The following SSR3 variants were observed in gnomAD, a reference collection of about 807,000 sequenced individuals.
The protein encoded by SSR3 is translocon-associated protein subunit gamma.
SSR3 carries 10 observed loss-of-function variants against 22.1 expected under a neutral mutation model. The ratio of observed to expected loss-of-function variants is 0.45; its 90% CI spans 0.28 to 0.77. SSR3 has a LOEUF of 0.77. Ranked by LOEUF, SSR3 falls within the 30% of genes least tolerant of loss-of-function variation. SSR3 has a pLI of 0.13. For synonymous variants in SSR3, 104 were observed against 82.5 expected (o/e 1.26, Z -1.42); for missense variants, 181 against 220.5 (o/e 0.82, Z 1.13).
In SSR3 at chr3:156,543,183, G is replaced by C; in HGVS notation, c.*20C>G. 1 of 1,611,652 alleles carries C rather than the reference G, an allele frequency of 6.2e-7. No homozygotes were observed. Among genetic ancestry groups the C allele is most frequent in the Non-Finnish European group, 8.5e-7 (1 of 1,178,598 alleles). On this transcript the variant is annotated 3_prime_UTR_variant, in exon 5 of 5. Coordinates refer to ENST00000265044, the MANE Select transcript of SSR3 (RefSeq NM_007107.5). ...CAGGCCACCCATAGACACAAAGCCAGGGGGTGAAGCTGACATGGTCTATTT... is the reference window on the plus strand; with the variant it reads ...CAGGCCACCCATAGACACAAAGCCACGGGGTGAAGCTGACATGGTCTATTT...
At chr3:156,547,336 C>A (rs1183492449) in intron 3 of SSR3, among the ~76,000 whole-genome samples, 1 of 152,138 alleles carries the variant, frequency 6.6e-6, no homozygotes, top group Non-Finnish European at 1.5e-5. Context: ...AAGTGCCAGA[C>A]CAAATCTGCC....
At chr3:156,551,585 C>T (rs1251504323) in intron 2 of SSR3, 1 of 152,196 alleles carries the variant, frequency 6.6e-6, no homozygotes. Flanking sequence ...CCACGAAAAC[C>T]TGAGCTCGTT....
chr3:156,555,071 A>G lies in SSR3; in HGVS notation c.19T>C (p.Ser7Pro), dbSNP rs377109702. The part of the protein sequence containing the change: MAPKGS[S>P]KQQSEEDLLL... ...AGGTCCTCCTCAGACTGCTGTTTGG[A>G]GCTGCCTTTAGGAGCCATGGCGGAG... Residue 7 changes from serine (S) to proline (P), a missense_variant, in exon 1 of 5, where the codon TCC (serine) becomes CCC (proline). Ser to Pro is a moderately conservative substitution (Grantham distance 74, BLOSUM62 -1). Coordinates refer to ENST00000265044, the MANE Select transcript of SSR3 (RefSeq NM_007107.5). 2.5e-6 allele frequency: 4 copies of G among 1,613,806 alleles called. No homozygotes were observed. Among genetic ancestry groups the G allele is most frequent in the South Asian group, 1.1e-5 (1 of 91,084 alleles).
At chr3:156,543,379 T>G (rs1719639707) in intron 4 of SSR3, 110 bp from the exon 5 acceptor site, 1 of 759,656 alleles carries the variant, frequency 1.3e-6, no homozygotes, top group Admixed American at 2.5e-5. Context: ...ACACTTGGTG[T>G]AATCATAATG....
rs151238711 is a variant in SSR3, at chr3:156,543,791, A to G, written c.491+517T>C. ...AGGGTATCTGATATTTTATTACATC[A>G]TAATCACCAATTGTTAAAATCTTGG... On this transcript the variant is annotated intron_variant, in intron 4 of 4. Coordinates refer to ENST00000265044, the MANE Select transcript of SSR3 (RefSeq NM_007107.5). Among the ~76,000 whole-genome samples, 62 of 152,358 alleles carry G rather than the reference A, an allele frequency of 4.1e-4. No individual in the cohort carries two copies. The East Asian group carries it at 0.012, about 28-fold the overall frequency.
chr3:156,546,257 C>T (rs1719756460), intron 3 of SSR3, among the ~76,000 whole-genome samples: 1 of 152,238 alleles, frequency 6.6e-6, no homozygotes, highest in Non-Finnish European at 1.5e-5. Flanking sequence ...CCTGTGCTCA[C>T]TCACTCTCCT....
At chr3:156,553,319 G>C (rs372167486) in intron 2 of SSR3, among the ~76,000 whole-genome samples, 2 of 152,190 alleles carry the variant, frequency 1.3e-5, no homozygotes, top group African/African-American at 4.8e-5. Flanking sequence ...GAAGAGCCCA[G>C]AACAATTCTC....
Position 156,548,886 on chromosome 3 carries a change from C to T in SSR3, c.359+19G>A, listed in dbSNP as rs1719851793. The T allele has an allele frequency of 1.2e-6, 2 of 1,611,722 alleles. No individual in the cohort carries two copies. The highest frequency in any genetic ancestry group is 2.2e-5 in the South Asian group (2 of 90,786). On this transcript the variant is annotated intron_variant, in intron 3 of 4. Transcript: ENST00000265044. ...AGTACCCCCTTTTATGATGGCCATACTTTAAACAGGAGTCAAACCTTTCAT... is the reference window on the plus strand; with the variant it reads ...AGTACCCCCTTTTATGATGGCCATATTTTAAACAGGAGTCAAACCTTTCAT...
intron 2 of SSR3, among the ~76,000 whole-genome samples, chr3:156,552,162 G>A (rs762923672): frequency 7.2e-5 from 11 of 152,058 alleles, no homozygotes; most frequent in Non-Finnish European, 1.6e-4. Context: ...TTAGCCAGGC[G>A]TGGTAGTAGT....
chr3:156,550,355 T>A (rs1350148276), intron 2 of SSR3, among the ~76,000 whole-genome samples: 2 of 152,194 alleles, frequency 1.3e-5, no homozygotes, highest in African/African-American at 4.8e-5. Flanking sequence ...GGACGAACAG[T>A]CAACCGATTG....
rs1719620399 is a variant in SSR3, at chr3:156,542,999, C to CT, written c.*203dup. The CT allele has an allele frequency of 2.1e-6, 1 of 484,084 alleles. No individual in the cohort carries two copies. The highest frequency in any genetic ancestry group is 3.7e-6 in the Non-Finnish European group (1 of 271,746). 30.0% of individuals were successfully genotyped at this position (484,084 alleles called of 1,614,324 possible). Reference sequence around the variant, plus strand: ...TCCTTTTAATAAACGTCCTAGTACTCTGAGTTTCCCTTTCAATTCATTTAA... The same window carrying CT: ...TCCTTTTAATAAACGTCCTAGTACTCTTGAGTTTCCCTTTCAATTCATTTAA... On this transcript the variant is annotated 3_prime_UTR_variant, in exon 5 of 5. Coordinates refer to ENST00000265044, the MANE Select transcript of SSR3 (RefSeq NM_007107.5).
chr3:156,540,750 C>T lies in SSR3; in HGVS notation c.*2453G>A, dbSNP rs1719440493. The T allele has an allele frequency of 6.6e-6, 1 of 151,874 alleles. No homozygotes were observed. Among genetic ancestry groups the T allele is most frequent in the African/African-American group, 2.4e-5 (1 of 41,348 alleles). 9.4% of individuals were successfully genotyped at this position (151,874 alleles called of 1,614,324 possible). A position where few individuals can be genotyped will look rare whatever the true frequency, so the allele number is the denominator to read the frequency against. On this transcript the variant is annotated 3_prime_UTR_variant, in exon 5 of 5. Transcript: ENST00000265044. ...CAAAGGAATTTAATCACTTTGAATC[C>T]CAATTACAGATGAATCTTTTATTTC...
chr3:156,545,058 G>T (rs1273435710), intron 3 of SSR3, among the ~76,000 whole-genome samples: 1 of 152,056 alleles, frequency 6.6e-6, no homozygotes, highest in Non-Finnish European at 1.5e-5. Flanking sequence ...TAATTTACTG[G>T]TATTTCATCC....
Position 156,543,002 on chromosome 3 carries a change from A to C in SSR3, c.*201T>G. 2.1e-6 allele frequency: 1 copy of C among 486,996 alleles called. No homozygotes were observed. Among genetic ancestry groups the C allele is most frequent in the Non-Finnish European group, 3.7e-6 (1 of 273,192 alleles). 30.2% of individuals were successfully genotyped at this position (486,996 alleles called of 1,614,324 possible). ...TTTTAATAAACGTCCTAGTACTCTG[A>C]GTTTCCCTTTCAATTCATTTAATTT... On this transcript the variant is annotated 3_prime_UTR_variant, in exon 5 of 5. Transcript: ENST00000265044.
chr3:156,554,728 C>T (rs1283835600), intron 1 of SSR3: 3 of 557,522 alleles, frequency 5.4e-6, no homozygotes, highest in Non-Finnish European at 9.4e-6. Context: ...AGCTCGGGAA[C>T]GTGCGTACTT....
chr3:156,540,012 T>C lies in SSR3; in HGVS notation c.*3191A>G, dbSNP rs1719371238. 1 of 152,102 alleles carries C rather than the reference T, an allele frequency of 6.6e-6. No individual in the cohort carries two copies. Among genetic ancestry groups the C allele is most frequent in the Non-Finnish European group, 1.5e-5 (1 of 68,030 alleles). 9.4% of individuals were successfully genotyped at this position (152,102 alleles called of 1,614,324 possible). A position where few individuals can be genotyped will look rare whatever the true frequency, so the allele number is the denominator to read the frequency against. On this transcript the variant is annotated 3_prime_UTR_variant, in exon 5 of 5. Transcript: ENST00000265044. ...GTACCAAACCTGCATGGTCAGCACA[T>C]GTATCCCAGAACTTAAAGTAAAATA...
At chr3:156,544,498 GT>G (rs1576999142) in intron 3 of SSR3, 59 bp from the exon 4 acceptor site, 1 of 1,386,622 alleles carries the variant, frequency 7.2e-7, no homozygotes, top group Non-Finnish European at 9.6e-7. Context: ...AAACTTTTAA[GT>G]ACCATATGGC....
chr3:156,540,663 A>G lies in SSR3; in HGVS notation c.*2540T>C, dbSNP rs943652612. 4.6e-5 allele frequency: 7 copies of G among 152,028 alleles called. No homozygotes were observed. The highest frequency in any genetic ancestry group is 1.0e-4 in the Non-Finnish European group (7 of 67,996). 9.4% of individuals were successfully genotyped at this position (152,028 alleles called of 1,614,324 possible). ...CCAAGATTTTTATTAAGTTAAAATG[A>G]AGGAACTAAAAATAGGTAAATGAAA... is the stretch of plus-strand genomic sequence containing the variant. On this transcript the variant is annotated 3_prime_UTR_variant, in exon 5 of 5. Transcript: ENST00000265044.
rs1719686088 is a variant in SSR3 at position 156,544,424 on chromosome 3, C to T, written c.375G>A (p.Lys125=). Reference sequence around the variant, plus strand: ...TAGCTTCATAATCAGCAACTTCATTCTTCTTCCACAAGATTCTACAGACAC... The same window carrying T: ...TAGCTTCATAATCAGCAACTTCATTTTTCTTCCACAAGATTCTACAGACAC... ...KEKDERILWK[K]NEVADYEATT... The change falls in exon 4 of 5, where the codon AAG becomes AAA. Residue 125 remains lysine (K), a synonymous_variant. Transcript: ENST00000265044. 6.3e-7 allele frequency: 1 copy of T among 1,581,510 alleles called. No individual in the cohort carries two copies. The highest frequency in any genetic ancestry group is 8.6e-7 in the Non-Finnish European group (1 of 1,165,322).
Sources: gnomAD v4.1 joint callset for allele counts (sites outside exome capture counted in the v4.1 genomes callset) on GRCh38, gnomAD v4.1.1 for gene constraint, MANE v1.5 for transcripts, NCBI Gene and HGNC (gene_info 2026-07-23, HGNC 2026-07-21) for gene names.